HLTF: variants seen among roughly 807,000 people sequenced by gnomAD.
HLTF encodes the protein helicase like transcription factor.
A neutral mutation model predicts 129.4 loss-of-function variants in HLTF; 127 were observed. That is an observed-to-expected ratio of 0.98 (90% CI 0.85 to 1.14). The LOEUF (loss-of-function observed/expected upper bound fraction) is 1.14, where lower values mean the gene tolerates loss of function less well. Ranked by LOEUF, HLTF falls within the 50% of genes most tolerant of loss-of-function variation. The probability of loss-of-function intolerance (pLI) is 0.00; values close to 1 mark genes in which losing one functional copy is unlikely to be tolerated. For missense variants in HLTF, 1,139 were observed against 1,187.1 expected, an observed-to-expected ratio of 0.96 and a Z score of 0.60; for synonymous variants, 332 against 388.8, an observed-to-expected ratio of 0.85 and a Z score of 1.72.
chr3:149,086,489 G>A lies in HLTF; in HGVS notation c.-153C>T, dbSNP rs1291271852. The A allele has an allele frequency of 8.9e-6, 7 of 783,914 alleles. No homozygotes were observed. The highest frequency in any genetic ancestry group is 8.0e-5 in the East Asian group (3 of 37,364). 48.6% of individuals were successfully genotyped at this position (783,914 alleles called of 1,614,324 possible). On this transcript the variant is annotated 5_prime_UTR_variant, in exon 1 of 25. Coordinates refer to ENST00000310053, the MANE Select transcript of HLTF (RefSeq NM_003071.4). ...GCGCACGACTGAAAGGTAAGTCGCC[G>A]CGAGTCCAGTCAGACGTCGACGCCG...
In HLTF at chr3:149,041,626, T is replaced by C; in HGVS notation, c.2240A>G (p.Lys747Arg). The change falls in exon 20 of 25, where the codon AAG (lysine) becomes AGG (arginine). Residue 747 changes from lysine (K) to arginine (R), a missense_variant. Lys to Arg is a conservative substitution (Grantham distance 26). Transcript: ENST00000310053. ...ACCTGAGCTCAGAATTAACTTCATC[T>C]TCCTTATTAACTTCTTTCTCAGTTC... ...PEELRKKLIR[K>R]MKLILSSGSD... is the part of the protein sequence containing the mutation. The C allele has an allele frequency of 9.9e-6, 16 of 1,612,712 alleles. No individual in the cohort carries two copies. Among genetic ancestry groups the C allele is most frequent in the Non-Finnish European group, 1.4e-5 (16 of 1,179,002 alleles).
intron 2 of HLTF, among the ~76,000 whole-genome samples, chr3:149,078,376 T>C (rs1215677149): frequency 5.3e-5 from 8 of 152,008 alleles, no homozygotes; most frequent in Non-Finnish European, 1.2e-4. Context: ...CAAGACCCCA[T>C]TTCTACAAAA....
rs371638358 is a variant in HLTF at position 149,055,683 on chromosome 3, TTTG to T, written c.1376-286_1376-284del. 3.5e-3 allele frequency among the ~76,000 whole-genome samples: 529 copies of T among 152,312 alleles called. 5 individuals are homozygous for T. The highest frequency in any genetic ancestry group is 0.012 in the African/African-American group (509 of 41,580). On this transcript the variant is annotated intron_variant, in intron 13 of 24. Transcript: ENST00000310053. ...TCATAGTCATTCATTAAGACGAACA[TTTG>T]TTTTATGCAGTTTTCTGAATTTGTG...
At chr3:149,074,596 C>T (rs1276156340) in intron 3 of HLTF, among the ~76,000 whole-genome samples, 3 of 152,050 alleles carry the variant, frequency 2.0e-5, no homozygotes, top group African/African-American at 7.2e-5. Context: ...TTTAAAAATG[C>T]AAGGATGGCC....
rs534562339 is a variant in HLTF at position 149,044,727 on chromosome 3, G to T, written c.2072+1353C>A. On this transcript the variant is annotated intron_variant, in intron 18 of 24. Transcript: ENST00000310053. ...CCTGTCTTGGTAAACAGCAATTCCAGCCTTCCACTTATGCAGGTAAAAAGG... is the reference window on the plus strand; with the variant it reads ...CCTGTCTTGGTAAACAGCAATTCCATCCTTCCACTTATGCAGGTAAAAAGG... 1.1e-4 allele frequency among the ~76,000 whole-genome samples: 17 copies of T among 152,242 alleles called. No homozygotes were observed. In the South Asian group the frequency reaches 3.3e-3, roughly 30 times the overall value.
At chr3:149,077,266 A>AT (rs1477662893) in intron 2 of HLTF, among the ~76,000 whole-genome samples, 10 of 150,168 alleles carry the variant, frequency 6.7e-5, no homozygotes, top group South Asian at 2.1e-4. Context: ...AAATAAATAA[A>AT]TAAATAAATA....
chr3:149,080,711 C>T (rs528643468), intron 2 of HLTF, among the ~76,000 whole-genome samples: 49 of 151,856 alleles, frequency 3.2e-4, no homozygotes, highest in African/African-American at 1.1e-3. Context: ...AGTTAACTGT[C>T]GTTACAAATA....
At chr3:149,084,000 G>A (rs1412848767) in intron 2 of HLTF, among the ~76,000 whole-genome samples, 1 of 151,580 alleles carries the variant, frequency 6.6e-6, no homozygotes, top group African/African-American at 2.4e-5. Context: ...GCAACATTAG[G>A]ATATGGAGAT....
intron 10 of HLTF, among the ~76,000 whole-genome samples, chr3:149,062,780 TA>T (rs1388800285): frequency 6.6e-6 from 1 of 152,140 alleles, no homozygotes; most frequent in Non-Finnish European, 1.5e-5. Context: ...TTCATCCCCT[TA>T]AATCCATAAA....
At chr3:149,041,072 T>C (rs1716093896) in intron 20 of HLTF, among the ~76,000 whole-genome samples, 1 of 152,166 alleles carries the variant, frequency 6.6e-6, no homozygotes, top group African/African-American at 2.4e-5. Context: ...GTGCTGTAAG[T>C]ATACACCACC....
At chr3:149,058,099 CTTTAT>C (rs1489193021) in intron 13 of HLTF, among the ~76,000 whole-genome samples, 3 of 151,988 alleles carry the variant, frequency 2.0e-5, no homozygotes, top group Non-Finnish European at 2.9e-5. Flanking sequence ...CCCCCTATTC[CTTTAT>C]TTTATGTTTT....
intron 13 of HLTF, among the ~76,000 whole-genome samples, chr3:149,056,194 C>T (rs1471931354): frequency 6.6e-6 from 1 of 152,178 alleles, no homozygotes; most frequent in Admixed American, 6.5e-5. Flanking sequence ...ACTTCCAGCC[C>T]TGTCAAAGTG....
Position 149,063,465 on chromosome 3 carries a change from G to A in HLTF, c.1126C>T (p.Arg376Cys), listed in dbSNP as rs1576606064. The change falls in exon 10 of 25, where the codon CGC (arginine) becomes TGC (cysteine). Residue 376 changes from arginine to cysteine, a missense_variant. Physicochemically the swap from Arg to Cys is radical, Grantham distance 180. Coordinates refer to ENST00000310053, the MANE Select transcript of HLTF (RefSeq NM_003071.4). ...ISDIKEKSKF[R>C]MSELSSSRPK... The stretch of plus-strand genomic sequence containing the variant: ...CGGGAGCTAGACAATTCTGACATGC[G>A]AAACTTACTCTTCTCCTTGATATCT... 6.8e-6 allele frequency: 11 copies of A among 1,610,022 alleles called. No homozygotes were observed. Among genetic ancestry groups the A allele is most frequent in the African/African-American group, 4.0e-5 (3 of 74,722 alleles).
chr3:149,055,233 A>G (rs1488437238), intron 14 of HLTF, 70 bp downstream of exon 14: 4 of 1,100,816 alleles, frequency 3.6e-6, no homozygotes, highest in Non-Finnish European at 5.4e-6. Context: ...ATGACTCTTT[A>G]ACAGAATACT....
chr3:149,032,483 T>G (rs879365586), intron 24 of HLTF, 111 bp from the exon 25 acceptor site: 6 of 606,804 alleles, frequency 9.9e-6, no homozygotes, highest in East Asian at 3.1e-5. Context: ...CAATTACTTT[T>G]GCACCAAACT....
intron 19 of HLTF, 51 bp downstream of exon 19, chr3:149,042,111 CTTAT>C (rs1367024999): frequency 5.2e-6 from 8 of 1,530,050 alleles, no homozygotes; most frequent in Admixed American, 1.8e-5. Context: ...ATTTATCACT[CTTAT>C]TTAAGTATCT....
chr3:149,048,090 A>C lies in HLTF; in HGVS notation c.1830T>G (p.Asp610Glu). The change falls in exon 17 of 25, where the codon GAT becomes GAG. Residue 610 changes from aspartate (D) to glutamate (E), a missense_variant. Transcript: ENST00000310053. ...LSFLKLKPFI[D>E]REWWHRTIQR... is the part of the protein sequence containing the mutation. ...GTATTGTTCTATGCCACCATTCTCT[A>C]TCAATAAATGGTTTAAGTTTTAAAA... is the stretch of plus-strand genomic sequence containing the variant. 1 of 1,611,710 alleles carries C rather than the reference A, an allele frequency of 6.2e-7. No individual in the cohort carries two copies. The highest frequency in any genetic ancestry group is 1.7e-5 in the Admixed American group (1 of 59,954).
At chr3:149,060,015 T>C (rs1214819540) in intron 12 of HLTF, among the ~76,000 whole-genome samples, 3 of 152,012 alleles carry the variant, frequency 2.0e-5, no homozygotes, top group African/African-American at 7.3e-5. Context: ...TAGTCATTCA[T>C]GGTAAGACTT....
chr3:149,066,272 C>A (rs994895684), intron 8 of HLTF, among the ~76,000 whole-genome samples: 2 of 152,116 alleles, frequency 1.3e-5, no homozygotes, highest in Non-Finnish European at 2.9e-5. Context: ...TCTTGAACTC[C>A]TAACCTCAGG....
Sources: allele counts gnomAD v4.1 joint callset (sites outside exome capture counted in the v4.1 genomes callset), GRCh38; gene constraint gnomAD v4.1.1; transcripts MANE v1.5; gene names NCBI Gene and HGNC (gene_info 2026-07-23, HGNC 2026-07-21).